The following DPP6 variants were observed in gnomAD, a reference collection of about 807,000 sequenced individuals.
The protein encoded by DPP6 is dipeptidyl peptidase like 6, also known as A-type potassium channel modulatory protein DPP6.
A neutral mutation model predicts 122.6 loss-of-function variants in DPP6; 69 were observed. The ratio of observed to expected loss-of-function variants is 0.56; its 90% CI spans 0.46 to 0.69. DPP6 has a LOEUF of 0.69. DPP6 is among the 30% of genes least tolerant of loss of function. The pLI, the probability that DPP6 is intolerant of heterozygous loss-of-function variation, is 0.00. For synonymous variants in DPP6, 418 were observed against 433.1 expected (o/e 0.97, Z 0.43); for missense variants, 928 against 1,116.9 (o/e 0.83, Z 2.41).
At chr7:154,670,139 C>T (rs973028679) in intron 7 of DPP6, among the ~76,000 whole-genome samples, 3 of 150,550 alleles carry the variant, frequency 2.0e-5, no homozygotes, top group East Asian at 2.0e-4. Flanking sequence ...GCATTACAGG[C>T]GTGAGCTACC....
the DPP6 span, among the ~76,000 whole-genome samples, chr7:153,772,380 C>T: frequency 2.6e-5 from 4 of 151,984 alleles, no homozygotes; most frequent in African/African-American, 9.7e-5. Flanking sequence ...CACCACGCCC[C>T]GCTGGGAGAA....
At chr7:154,844,994 A>T (rs1353540840) in intron 16 of DPP6, among the ~76,000 whole-genome samples, 2 of 152,238 alleles carry the variant, frequency 1.3e-5, no homozygotes, top group Non-Finnish European at 2.9e-5. Context: ...GGGATTCCCT[A>T]TGTACGAACA....
chr7:154,280,983 TTTTATTTATTTA>T (rs146635527), intron 1 of DPP6, among the ~76,000 whole-genome samples: 157 of 143,048 alleles, frequency 1.1e-3, no homozygotes, highest in South Asian at 9.3e-3. Context: ...TTATTTCTTA[TTTTATTTATTTA>T]TTTATTTATT....
At chr7:154,767,195 G>T (rs1252113391) in intron 8 of DPP6, among the ~76,000 whole-genome samples, 1 of 152,156 alleles carries the variant, frequency 6.6e-6, no homozygotes, top group Admixed American at 6.5e-5. Context: ...GGAAACCACT[G>T]CAGGGCTCCT....
intron 1 of DPP6, among the ~76,000 whole-genome samples, chr7:153,960,620 TAGC>T (rs1229259547): frequency 3.0e-5 from 2 of 67,664 alleles, no homozygotes; most frequent in African/African-American, 5.6e-5. Flanking sequence ...CAGCTCAGCT[TAGC>T]AGCCTGTCTG....
chr7:154,294,771 A>G (rs927082674), intron 1 of DPP6, among the ~76,000 whole-genome samples: 1 of 152,176 alleles, frequency 6.6e-6, no homozygotes, highest in Non-Finnish European at 1.5e-5. Context: ...CTTTCCCTAC[A>G]GGCCACTGAA....
chr7:153,985,546 T>C (rs1478758001), intron 1 of DPP6, among the ~76,000 whole-genome samples: 4 of 152,202 alleles, frequency 2.6e-5, no homozygotes, highest in Non-Finnish European at 5.9e-5. Context: ...TACTTTTTTA[T>C]CTTGGTGTGG....
the DPP6 span, among the ~76,000 whole-genome samples, chr7:153,864,880 C>T: frequency 1.3e-5 from 2 of 152,118 alleles, no homozygotes; most frequent in Admixed American, 6.6e-5. Context: ...CAGGTTTTTG[C>T]TCCTTTCTGT....
At position 154,097,833 on chromosome 7, in the gene DPP6, C is replaced by T. The variant is rs751990412; in HGVS notation, c.243+44770C>T. ...GGCAGGAGGCCTCGGGTGCTAGCCA[C>T]GTAGGCCCTTCCTCATGATGTGGCA... On this transcript the variant is annotated intron_variant, in intron 1 of 25. Transcript: ENST00000377770. Among the ~76,000 whole-genome samples, 64 of 152,336 alleles carry T rather than the reference C, an allele frequency of 4.2e-4. 1 individual carries two copies. The highest frequency in any genetic ancestry group is 6.8e-3 in the Middle Eastern group (2 of 294).
intron 3 of DPP6, among the ~76,000 whole-genome samples, chr7:154,499,618 T>C (rs1031583879): frequency 1.3e-5 from 2 of 152,056 alleles, no homozygotes; most frequent in African/African-American, 4.8e-5. Context: ...TTAGTATATT[T>C]TGGTTAAAAA....
Position 154,875,691 on chromosome 7 carries a change from G to T in DPP6, c.1884-215G>T, listed in dbSNP as rs1026151202. On this transcript the variant is annotated intron_variant, in intron 19 of 25. Coordinates refer to ENST00000377770, the MANE Select transcript of DPP6 (RefSeq NM_130797.4). The surrounding 1 kb of genome is among the most constrained non-coding windows in gnomAD (Gnocchi z 4.5). ...TGTAGGGATGGCCCTGGGTGTCCTAGGCTCTTGGAGGTCTCCTCTTCCTCC... is the reference window on the plus strand; with the variant it reads ...TGTAGGGATGGCCCTGGGTGTCCTATGCTCTTGGAGGTCTCCTCTTCCTCC... 2.6e-5 allele frequency among the ~76,000 whole-genome samples: 4 copies of T among 152,168 alleles called. No individual in the cohort carries two copies. Among genetic ancestry groups the T allele is most frequent in the African/African-American group, 9.7e-5 (4 of 41,446 alleles).
intron 1 of DPP6, among the ~76,000 whole-genome samples, chr7:154,151,523 A>G (rs1458515490): frequency 6.6e-6 from 1 of 152,252 alleles, no homozygotes; most frequent in African/African-American, 2.4e-5. Context: ...GGAAGCAGAC[A>G]GTAGCAGCGA....
At chr7:153,870,835 A>T in the DPP6 span, among the ~76,000 whole-genome samples, 1 of 152,112 alleles carries the variant, frequency 6.6e-6, no homozygotes, top group Non-Finnish European at 1.5e-5. Flanking sequence ...TTTGGTGTGG[A>T]TGTCCTTTCT....
intron 7 of DPP6, among the ~76,000 whole-genome samples, chr7:154,711,586 T>A (rs1043110012): frequency 6.6e-6 from 1 of 152,240 alleles, no homozygotes; most frequent in Admixed American, 6.5e-5. Context: ...CAGTGTTGAA[T>A]AACCTGCTCA....
intron 1 of DPP6, among the ~76,000 whole-genome samples, chr7:153,944,661 T>TA (rs1563034181): frequency 2.8e-5 from 3 of 108,356 alleles, no homozygotes; most frequent in African/African-American, 1.1e-4. Context: ...TATTTTTGTG[T>TA]GGGTTTTTTT....
chr7:154,390,373 G>A (rs1033725493), intron 1 of DPP6, among the ~76,000 whole-genome samples: 8 of 152,126 alleles, frequency 5.3e-5, no homozygotes, highest in Admixed American at 5.2e-4. Context: ...TTTGAGTTTT[G>A]TTCTGAGTGA....
intron 1 of DPP6, among the ~76,000 whole-genome samples, chr7:153,923,227 A>G (rs1164979871): frequency 6.6e-6 from 1 of 152,170 alleles, no homozygotes; most frequent in Non-Finnish European, 1.5e-5. Context: ...TTTATGTTGA[A>G]AATTATTGCC....
intron 21 of DPP6, among the ~76,000 whole-genome samples, chr7:154,881,366 ACT>A (rs949608404): frequency 2.0e-5 from 3 of 152,036 alleles, no homozygotes; most frequent in African/African-American, 7.3e-5. Context: ...CGCGCAGTGA[ACT>A]CTCAAACCAG....
chr7:154,170,109 T>C (rs1195216682), intron 1 of DPP6, among the ~76,000 whole-genome samples: 2 of 152,150 alleles, frequency 1.3e-5, no homozygotes, highest in Non-Finnish European at 2.9e-5. Flanking sequence ...TTCTGGCACC[T>C]ACCTCGCCTG....
Sources: allele counts gnomAD v4.1 joint callset (sites outside exome capture counted in the v4.1 genomes callset), GRCh38; gene constraint gnomAD v4.1.1; non-coding constraint Gnocchi (gnomAD v3.1); transcripts MANE v1.5; gene names NCBI Gene and HGNC (gene_info 2026-07-23, HGNC 2026-07-21).